Variants in TDRD3 observed in about 807,000 individuals in gnomAD.
TDRD3 encodes the protein tudor domain containing 3.
In TDRD3, 45 loss-of-function variants were observed where a neutral mutation model predicts 86.7. That is an observed-to-expected ratio of 0.52 (90% CI 0.41 to 0.67). The LOEUF is 0.67. Among genes scored for constraint, TDRD3 ranks in the 30% least tolerant of loss-of-function variants. TDRD3 has a pLI of 0.00. For missense variants in TDRD3, 814 were observed against 889.0 expected (o/e 0.92, Z 1.07); for synonymous variants, 298 against 301.7 (o/e 0.99, Z 0.13).
At chr13:60,474,018 CCTGA>C (rs554343343) in intron 5 of TDRD3, among the ~76,000 whole-genome samples, 4 of 152,202 alleles carry the variant, frequency 2.6e-5, no homozygotes, top group Non-Finnish European at 5.9e-5. Context: ...CATCCAGAGG[CCTGA>C]CTGTCTCCCT....
intron 8 of TDRD3, among the ~76,000 whole-genome samples, chr13:60,499,406 T>C (rs960896628): frequency 6.6e-6 from 1 of 152,246 alleles, no homozygotes; most frequent in African/African-American, 2.4e-5. Context: ...TCCATTCTGG[T>C]CCATAAGGTC....
chr13:60,565,041 C>CTTTTTTTTTTTTTTT, intron 12 of TDRD3, among the ~76,000 whole-genome samples: 1 of 70,852 alleles, frequency 1.4e-5, no homozygotes, highest in Non-Finnish European at 2.4e-5. Flanking sequence ...CTATCAGTAT[C>CTTTTTTTTTTTTTTT]TTTTTTTTTT....
intron 10 of TDRD3, among the ~76,000 whole-genome samples, chr13:60,520,744 T>C (rs184089826): frequency 1.4e-4 from 22 of 152,312 alleles, no homozygotes; most frequent in Admixed American, 1.3e-3. Context: ...CCACCAGCAG[T>C]TGATGCTCAG....
At position 60,431,130 on chromosome 13, in the gene TDRD3, T is replaced by G. The variant is rs182385193; in HGVS notation, c.42-8558T>G. 3.1e-3 allele frequency among the ~76,000 whole-genome samples: 478 copies of G among 152,178 alleles called. 3 individuals carry two copies. The highest frequency in any genetic ancestry group is 0.01 in the African/African-American group (432 of 41,564). On this transcript the variant is annotated intron_variant, in intron 1 of 13. Coordinates refer to ENST00000377881, the MANE Select transcript of TDRD3 (RefSeq NM_001146070.2). Reference sequence around the variant, plus strand: ...GTTTTTTTTAAACCCTGAGTGATCTTTATATCAAACACAAATTCAAAATTA... The same window carrying G: ...GTTTTTTTTAAACCCTGAGTGATCTGTATATCAAACACAAATTCAAAATTA...
At chr13:60,423,703 TA>T (rs1427593072) in intron 1 of TDRD3, among the ~76,000 whole-genome samples, 4 of 152,012 alleles carry the variant, frequency 2.6e-5, no homozygotes, top group Admixed American at 2.6e-4. Context: ...TAAAAAATTG[TA>T]AAAGGAGAAA....
chr13:60,410,900 A>G (rs935367213), intron 1 of TDRD3, among the ~76,000 whole-genome samples: 4 of 152,128 alleles, frequency 2.6e-5, no homozygotes, highest in African/African-American at 7.2e-5. Context: ...CTCATTCATC[A>G]AAAGTCTTTA....
intron 3 of TDRD3, among the ~76,000 whole-genome samples, chr13:60,453,977 A>G (rs1440169250): frequency 6.6e-6 from 1 of 151,608 alleles, no homozygotes; most frequent in Non-Finnish European, 1.5e-5. Flanking sequence ...ATACTCCTAT[A>G]TTTACATAGG....
chr13:60,417,898 A>G (rs1224915738), intron 1 of TDRD3, among the ~76,000 whole-genome samples: 1 of 152,048 alleles, frequency 6.6e-6, no homozygotes, highest in Non-Finnish European at 1.5e-5. Context: ...ATTCACTCAT[A>G]TCTAAATTAA....
intron 8 of TDRD3, among the ~76,000 whole-genome samples, chr13:60,508,709 G>A (rs1033660472): frequency 6.6e-5 from 10 of 152,116 alleles, no homozygotes; most frequent in Non-Finnish European, 1.3e-4. Context: ...ATAGGCATGG[G>A]CAATATATTT....
chr13:60,503,816 C>G (rs1442751334), intron 8 of TDRD3, among the ~76,000 whole-genome samples: 1 of 152,156 alleles, frequency 6.6e-6, no homozygotes, highest in African/African-American at 2.4e-5. Flanking sequence ...ACATGAAAAT[C>G]CTGTTGAAAG....
At chr13:60,555,970 C>A (rs1322967024) in intron 12 of TDRD3, among the ~76,000 whole-genome samples, 1 of 151,534 alleles carries the variant, frequency 6.6e-6, no homozygotes, top group Non-Finnish European at 1.5e-5. Flanking sequence ...CCTGCCTCAG[C>A]CTCCTTAGTA....
At chr13:60,481,604 T>A (rs1461910137) in intron 5 of TDRD3, among the ~76,000 whole-genome samples, 2 of 151,908 alleles carry the variant, frequency 1.3e-5, no homozygotes, top group Non-Finnish European at 2.9e-5. Flanking sequence ...TTGGTTCTTC[T>A]TTTTTTTGTA....
intron 12 of TDRD3, among the ~76,000 whole-genome samples, chr13:60,551,104 C>T (rs142679665): frequency 6.6e-6 from 1 of 152,168 alleles, no homozygotes; most frequent in East Asian, 1.9e-4. Context: ...AAAGCCTTTC[C>T]TTTTGGTCTA....
At chr13:60,502,399 T>C (rs1440607548) in intron 8 of TDRD3, among the ~76,000 whole-genome samples, 1 of 152,230 alleles carries the variant, frequency 6.6e-6, no homozygotes, top group Non-Finnish European at 1.5e-5. Context: ...GATCATAATT[T>C]TTCTCTCTCT....
At chr13:60,403,104 T>C (rs1356106686) in intron 1 of TDRD3, among the ~76,000 whole-genome samples, 3 of 151,668 alleles carry the variant, frequency 2.0e-5, no homozygotes, top group Non-Finnish European at 4.4e-5. Context: ...ACTGTGCAAG[T>C]GTTCAGGTTT....
At chr13:60,477,091 A>G (rs1242693334) in intron 5 of TDRD3, among the ~76,000 whole-genome samples, 2 of 151,944 alleles carry the variant, frequency 1.3e-5, no homozygotes, top group African/African-American at 4.8e-5. Flanking sequence ...ACTATGTTGA[A>G]TAGAAGTAGT....
intron 7 of TDRD3, among the ~76,000 whole-genome samples, chr13:60,490,657 A>G (rs1165681698): frequency 6.6e-6 from 1 of 152,160 alleles, no homozygotes; most frequent in Non-Finnish European, 1.5e-5. Context: ...TTGGAAACCA[A>G]CAAGTAGAGA....
intron 8 of TDRD3, among the ~76,000 whole-genome samples, chr13:60,506,848 A>G (rs1956950354): frequency 1.3e-5 from 2 of 152,216 alleles, no homozygotes; most frequent in African/African-American, 4.8e-5. Context: ...ACATTCACAC[A>G]TAACAATATT....
chr13:60,446,915 C>A (rs1211489073), intron 3 of TDRD3, among the ~76,000 whole-genome samples: 1 of 152,148 alleles, frequency 6.6e-6, no homozygotes, highest in Non-Finnish European at 1.5e-5. Flanking sequence ...CACTACTGAT[C>A]CGTTACTTAC....
Sources: gnomAD v4.1 joint callset for allele counts (sites outside exome capture counted in the v4.1 genomes callset) on GRCh38, gnomAD v4.1.1 for gene constraint, MANE v1.5 for transcripts, NCBI Gene and HGNC (gene_info 2026-07-23, HGNC 2026-07-21) for gene names.